AGAP3: variants seen among roughly 807,000 people sequenced by gnomAD.
The protein encoded by AGAP3 is ArfGAP with GTPase domain, ankyrin repeat and PH domain 3, also known as arf-GAP with GTPase, ANK repeat and PH domain-containing protein 3.
In AGAP3, 24 loss-of-function variants were observed where a neutral mutation model predicts 96.9. The observed-to-expected ratio is 0.25, with a 90% CI of 0.18 to 0.35. AGAP3 has a LOEUF of 0.35. Ranked by LOEUF, AGAP3 falls within the 10% of genes least tolerant of loss-of-function variation. The probability of loss-of-function intolerance (pLI) is 1.00; values close to 1 mark genes in which losing one functional copy is unlikely to be tolerated. For missense variants in AGAP3, 876 were observed against 1,254.2 expected, an observed-to-expected ratio of 0.70 and a Z score of 4.55; for synonymous variants, 563 against 536.1, an observed-to-expected ratio of 1.05 and a Z score of -0.69.
In AGAP3 at chr7:151,141,894, A is replaced by T. The variant is rs774732762; in HGVS notation, c.1805-4A>T. 6.2e-5 allele frequency: 100 copies of T among 1,613,988 alleles called. No individual in the cohort carries two copies. Among genetic ancestry groups the T allele is most frequent in the Middle Eastern group, 1.6e-4 (1 of 6,084 alleles). ...CCCTGATGGCATAAACACCCCCCCA[A>T]CAGAGGCAGAGGAGTCGTTTGAATT... On this transcript the variant is annotated splice_polypyrimidine_tract_variant and splice_region_variant and intron_variant, in intron 13 of 17. Transcript: ENST00000397238. This position sits in a 1 kb window ranked among gnomAD's most constrained non-coding sequence, Gnocchi z 4.2.
intron 8 of AGAP3, chr7:151,120,684 T>G (rs900769054): frequency 2.4e-6 from 3 of 1,259,712 alleles, no homozygotes; most frequent in African/African-American, 3.1e-5. Context: ...TGTGATTGGT[T>G]TAACAAAGGC....
At chr7:151,120,273 C>CAGAT in intron 8 of AGAP3, 128 bp downstream of exon 8, 1 of 999,368 alleles carries the variant, frequency 1.0e-6, no homozygotes, top group Non-Finnish European at 1.5e-6. Context: ...GTCTCTCCCT[C>CAGAT]AGATACACAC....
At chr7:151,116,907 G>A in intron 2 of AGAP3, 56 bp downstream of exon 2, 5 of 1,607,304 alleles carry the variant, frequency 3.1e-6, no homozygotes, top group Non-Finnish European at 4.3e-6. Flanking sequence ...GCGAGGCTGG[G>A]TGCCGCGGGC....
At chr7:151,123,576 C>T (rs958948763) in intron 8 of AGAP3, 7 of 1,383,886 alleles carry the variant, frequency 5.1e-6, no homozygotes, top group African/African-American at 1.5e-5. Context: ...GGGGCGGGCC[C>T]GGCTCAGTGA....
chr7:151,120,730 C>G (rs562598408), intron 8 of AGAP3: 6 of 1,211,538 alleles, frequency 5.0e-6, no homozygotes, highest in African/African-American at 3.1e-5. Flanking sequence ...CACGCTGCCT[C>G]GTTCCTCCCT....
Position 151,116,854 on chromosome 7 carries a change from G to A in AGAP3, c.390+3G>A, listed in dbSNP as rs1279132419. 1.2e-6 allele frequency: 2 copies of A among 1,613,934 alleles called. No individual in the cohort carries two copies. Among genetic ancestry groups the A allele is most frequent in the Admixed American group, 3.3e-5 (2 of 60,000 alleles). ...GCTCCGTACCGGAGCTTAAAGTGGT[G>A]AGTGTGGCCCATGGGCAGCACCGGC... On this transcript the variant is annotated splice_donor_region_variant and intron_variant, in intron 2 of 17. Coordinates refer to ENST00000397238, the MANE Select transcript of AGAP3 (RefSeq NM_031946.7).
At position 151,141,844 on chromosome 7, in the gene AGAP3, C is replaced by T; in HGVS notation, c.1805-54C>T. On this transcript the variant is annotated intron_variant, in intron 13 of 17. Transcript: ENST00000397238. The surrounding 1 kb of genome is among the most constrained non-coding windows in gnomAD (Gnocchi z 4.2). The stretch of plus-strand genomic sequence containing the variant: ...GAGTGGAGTTGTGGCGATAGCATGC[C>T]CTGGGTGTGCACGCAGGCCAGGAGC... 6.2e-7 allele frequency: 1 copy of T among 1,610,128 alleles called. No individual in the cohort carries two copies. The highest frequency in any genetic ancestry group is 1.1e-5 in the South Asian group (1 of 90,902).
intron 1 of AGAP3, chr7:151,090,236 T>TCG (rs1009184455): frequency 8.6e-6 from 1 of 116,776 alleles, no homozygotes; most frequent in African/African-American, 2.9e-5. Flanking sequence ...AGTTCCCAGA[T>TCG]GGGGGGGGGG....
intron 10 of AGAP3, chr7:151,131,420 G>C (rs1439271636): frequency 6.6e-6 from 1 of 152,252 alleles, no homozygotes; most frequent in Non-Finnish European, 1.5e-5. Context: ...TTAGCGAGGA[G>C]GCTGGGGAAG....
At chr7:151,091,719 G>T (rs1798407562) in intron 1 of AGAP3, among the ~76,000 whole-genome samples, 1 of 152,228 alleles carries the variant, frequency 6.6e-6, no homozygotes, top group African/African-American at 2.4e-5. Flanking sequence ...ATCTCAGGCT[G>T]CATGGCCTCG....
intron 1 of AGAP3, among the ~76,000 whole-genome samples, chr7:151,107,073 G>T (rs1350926198): frequency 1.3e-5 from 2 of 152,120 alleles, no homozygotes; most frequent in Non-Finnish European, 2.9e-5. Flanking sequence ...ACTTTGGGGG[G>T]CCAAGGGAGG....
chr7:151,099,846 A>C (rs943932983), intron 1 of AGAP3, among the ~76,000 whole-genome samples: 6 of 152,166 alleles, frequency 3.9e-5, no homozygotes, highest in Non-Finnish European at 7.4e-5. Flanking sequence ...TTTGTCCCAT[A>C]CTAAGTAATA....
intron 1 of AGAP3, among the ~76,000 whole-genome samples, chr7:151,104,703 G>A (rs1022688346): frequency 2.0e-5 from 3 of 152,188 alleles, no homozygotes; most frequent in East Asian, 1.9e-4. Context: ...GGATTGCTAC[G>A]ACCAACCTGG....
chr7:151,135,433 G>A (rs1293970033), intron 11 of AGAP3, among the ~76,000 whole-genome samples: 1 of 152,238 alleles, frequency 6.6e-6, no homozygotes, highest in East Asian at 1.9e-4. Context: ...ACAGTGAGGG[G>A]AGGATGTGAC....
chr7:151,116,901 G>C, intron 2 of AGAP3, 50 bp downstream of exon 2: 1 of 1,609,872 alleles, frequency 6.2e-7, no homozygotes, highest in Admixed American at 1.7e-5. Context: ...GGGGGGGCGA[G>C]GCTGGGTGCC....
At chr7:151,110,021 A>G (rs1585059306) in intron 1 of AGAP3, among the ~76,000 whole-genome samples, 1 of 152,218 alleles carries the variant, frequency 6.6e-6, no homozygotes, top group Admixed American at 6.5e-5. Flanking sequence ...GTGGCTGGTC[A>G]CCCACCAATA....
intron 9 of AGAP3, chr7:151,128,194 C>T (rs1325349037): frequency 5.3e-6 from 1 of 186,928 alleles, no homozygotes; most frequent in Non-Finnish European, 1.1e-5. Context: ...CACTGATGGC[C>T]ACTATCTACA....
chr7:151,135,552 G>A (rs988849515), intron 11 of AGAP3, among the ~76,000 whole-genome samples: 3 of 152,210 alleles, frequency 2.0e-5, no homozygotes, highest in Admixed American at 6.5e-5. Context: ...ATGGGACTCC[G>A]CTGAGAAAGC....
At position 151,096,838 on chromosome 7, in the gene AGAP3, G is replaced by A. The variant is rs549906531; in HGVS notation, c.331+9766G>A. Among the ~76,000 whole-genome samples, 9 of 151,826 alleles carry A rather than the reference G, an allele frequency of 5.9e-5. No homozygotes were observed. The highest frequency in any genetic ancestry group is 2.2e-4 in the African/African-American group (9 of 41,412). ...TTGTTTCCCAGGCTGGAGTGTAGTG[G>A]TATGATCTCAGCTCACTGCAACCTC... On this transcript the variant is annotated intron_variant, in intron 1 of 17. Coordinates refer to ENST00000397238, the MANE Select transcript of AGAP3 (RefSeq NM_031946.7). This position sits in a 1 kb window ranked among gnomAD's most constrained non-coding sequence, Gnocchi z 4.4.
Sources: allele counts gnomAD v4.1 joint callset (sites outside exome capture counted in the v4.1 genomes callset), GRCh38; gene constraint gnomAD v4.1.1; non-coding constraint Gnocchi (gnomAD v3.1); transcripts MANE v1.5; gene names NCBI Gene and HGNC (gene_info 2026-07-23, HGNC 2026-07-21).